The following BANK1 variants were observed in gnomAD, a reference collection of about 807,000 sequenced individuals.
BANK1 encodes the protein B cell scaffold protein with ankyrin repeats 1.
Under a neutral mutation model 94.5 loss-of-function variants are expected in BANK1, and 95 were observed. The ratio of observed to expected loss-of-function variants is 1.00; its 90% CI spans 0.85 to 1.19. The LOEUF (loss-of-function observed/expected upper bound fraction) is 1.19. Among genes scored for constraint, BANK1 ranks in the 50% most tolerant of loss-of-function variants. BANK1 has a pLI of 0.00. For missense variants in BANK1, 987 were observed against 932.2 expected (o/e 1.06, Z -0.77); for synonymous variants, 334 against 308.4 (o/e 1.08, Z -0.87).
intron 1 of BANK1, among the ~76,000 whole-genome samples, chr4:101,809,815 G>A (rs569855641): frequency 6.6e-6 from 1 of 152,316 alleles, no homozygotes; most frequent in South Asian, 2.1e-4. Flanking sequence ...AGGAAGAGAA[G>A]GAACTATAGC....
chr4:101,918,347 GA>G (rs1044663931), intron 7 of BANK1, among the ~76,000 whole-genome samples, 158 bp downstream of exon 7: 6 of 151,872 alleles, frequency 4.0e-5, no homozygotes, highest in African/African-American at 1.2e-4. Flanking sequence ...TTAGGTTGCA[GA>G]AAAACAATTT....
At chr4:101,809,141 A>G (rs1725658470) in intron 1 of BANK1, among the ~76,000 whole-genome samples, 1 of 152,220 alleles carries the variant, frequency 6.6e-6, no homozygotes, top group East Asian at 1.9e-4. Context: ...ACTGGTATAT[A>G]TACACCATGG....
intron 7 of BANK1, among the ~76,000 whole-genome samples, chr4:102,004,019 A>G (rs1726166495): frequency 6.6e-6 from 1 of 151,864 alleles, no homozygotes; most frequent in Admixed American, 6.6e-5. Context: ...TATTTGAGCT[A>G]TGTAAAATGA....
chr4:102,057,031 AAAAC>A (rs1407287027), intron 11 of BANK1, among the ~76,000 whole-genome samples: 4 of 152,008 alleles, frequency 2.6e-5, no homozygotes, highest in Non-Finnish European at 4.4e-5. Context: ...GAAACAAAAC[AAAAC>A]AAACAAACAA....
At chr4:102,032,013 C>CTAGAATA (rs781538639) in intron 10 of BANK1, among the ~76,000 whole-genome samples, 1 of 152,122 alleles carries the variant, frequency 6.6e-6, no homozygotes, top group Non-Finnish European at 1.5e-5. Context: ...GAACAGTTGT[C>CTAGAATA]TAGATTATAG....
intron 7 of BANK1, among the ~76,000 whole-genome samples, chr4:101,931,129 C>T (rs901406): frequency 0.34 from 50,715 of 151,342 alleles, 9,642 homozygotes; most frequent in Non-Finnish European, 0.43. Flanking sequence ...TTTATTGCCA[C>T]AGTTTTATTG....
chr4:102,047,680 G>A (rs1423373057), intron 11 of BANK1, among the ~76,000 whole-genome samples: 1 of 152,020 alleles, frequency 6.6e-6, no homozygotes, highest in Non-Finnish European at 1.5e-5. Context: ...CAATTACCAT[G>A]TTTTTAATTA....
At chr4:101,902,181 A>G (rs1030199783) in intron 6 of BANK1, among the ~76,000 whole-genome samples, 4 of 152,202 alleles carry the variant, frequency 2.6e-5, no homozygotes, top group African/African-American at 9.6e-5. Flanking sequence ...CTTACAGAAC[A>G]AACTTTTGAC....
chr4:102,042,708 C>T lies in BANK1; in HGVS notation c.1901-1131C>T, dbSNP rs10033334. Among the ~76,000 whole-genome samples the T allele has an allele frequency of 7.8e-4, 118 of 152,162 alleles. 1 individual carries two copies. The highest frequency in any genetic ancestry group is 2.7e-3 in the African/African-American group (112 of 41,546). On this transcript the variant is annotated intron_variant, in intron 10 of 16. Coordinates refer to ENST00000322953, the MANE Select transcript of BANK1 (RefSeq NM_017935.5). ...GGTCCAGCACCATCCAGTTAAAACA[C>T]GTTCACTCCCACAGGCCTCAGCTCA...
At chr4:102,043,786 G>T (rs929525141) in intron 10 of BANK1, 53 bp from the exon 11 acceptor site, 738 of 1,215,768 alleles carry the variant, frequency 6.1e-4, no homozygotes, top group Middle Eastern at 4.8e-3. Context: ...TCTACAGTAT[G>T]GATTTTTTGA....
chr4:101,986,028 A>G (rs549432328), intron 7 of BANK1, among the ~76,000 whole-genome samples: 1 of 152,262 alleles, frequency 6.6e-6, no homozygotes, highest in South Asian at 2.1e-4. Context: ...CAATCATTGT[A>G]ATGGGATCTT....
In BANK1 at chr4:101,819,565, C is replaced by T. The variant is rs1726059535; in HGVS notation, c.71-10243C>T. On this transcript the variant is annotated intron_variant, in intron 1 of 16. Coordinates refer to ENST00000322953, the MANE Select transcript of BANK1 (RefSeq NM_017935.5). ...CCTATATATTTCATTCCTAAGGACC[C>T]TCAGATCAATTAGATACCACCACAA... 1.3e-5 allele frequency among the ~76,000 whole-genome samples: 2 copies of T among 152,088 alleles called. 1 individual carries two copies. The highest frequency in any genetic ancestry group is 4.1e-4 in the South Asian group (2 of 4,824).
At chr4:101,875,961 CCA>C (rs1173314958) in intron 5 of BANK1, among the ~76,000 whole-genome samples, 1 of 152,122 alleles carries the variant, frequency 6.6e-6, no homozygotes, top group Non-Finnish European at 1.5e-5. Context: ...TCTCCTAACC[CCA>C]GACTCAAAAG....
At chr4:102,006,359 G>A (rs1427883856) in intron 7 of BANK1, among the ~76,000 whole-genome samples, 1 of 152,008 alleles carries the variant, frequency 6.6e-6, no homozygotes, top group Non-Finnish European at 1.5e-5. Flanking sequence ...CCCACTTCTA[G>A]AGATTCTAAC....
chr4:101,958,733 A>T (rs1724458197), intron 7 of BANK1, among the ~76,000 whole-genome samples: 1 of 152,156 alleles, frequency 6.6e-6, no homozygotes, highest in Non-Finnish European at 1.5e-5. Context: ...TGGATAATGG[A>T]TACTGACATC....
chr4:101,845,597 T>C (rs932901765), intron 2 of BANK1, among the ~76,000 whole-genome samples: 8 of 152,196 alleles, frequency 5.3e-5, no homozygotes, highest in African/African-American at 1.9e-4. Flanking sequence ...ATAAAAATAA[T>C]CATTTTCTCT....
intron 11 of BANK1, among the ~76,000 whole-genome samples, chr4:102,048,606 C>T (rs1158502368): frequency 1.3e-5 from 2 of 152,022 alleles, no homozygotes; most frequent in Non-Finnish European, 1.5e-5. Context: ...TAATGTTTGT[C>T]AGAGGCAAGA....
At chr4:101,930,636 T>G (rs55816416) in intron 7 of BANK1, among the ~76,000 whole-genome samples, 112 of 151,682 alleles carry the variant, frequency 7.4e-4, no homozygotes, top group African/African-American at 2.6e-3. Flanking sequence ...TGTACTAGTA[T>G]CTGTTTTTGC....
intron 2 of BANK1, among the ~76,000 whole-genome samples, chr4:101,837,844 T>TAAAAGCATTCTGTATACGA (rs1201437632): frequency 6.6e-6 from 1 of 152,168 alleles, no homozygotes; most frequent in Admixed American, 6.5e-5. Flanking sequence ...GCTGTGTTTG[T>TAAAAGCATTCTGTATACGA]AAAAGCATTC....
Sources: gnomAD v4.1 joint callset for allele counts (sites outside exome capture counted in the v4.1 genomes callset) on GRCh38, gnomAD v4.1.1 for gene constraint, MANE v1.5 for transcripts, NCBI Gene and HGNC (gene_info 2026-07-23, HGNC 2026-07-21) for gene names.